Variants in LPAR3 observed in about 807,000 individuals in gnomAD.
The protein encoded by LPAR3 is lysophosphatidic acid receptor 3.
Under a neutral mutation model 17.8 loss-of-function variants are expected in LPAR3, and 7 were observed. The ratio of observed to expected loss-of-function variants is 0.39; its 90% confidence interval spans 0.22 to 0.74. The LOEUF (loss-of-function observed/expected upper bound fraction) is 0.74, where lower values mean the gene tolerates loss of function less well. LPAR3 is among the 30% of genes least tolerant of loss of function. The pLI, the probability that LPAR3 is intolerant of heterozygous loss-of-function variation, is 0.40. For synonymous variants in LPAR3, 179 were observed against 179.9 expected (o/e 0.99, Z 0.04); for missense variants, 391 against 453.4 (o/e 0.86, Z 1.25).
intron 2 of LPAR3, among the ~76,000 whole-genome samples, chr1:84,848,326 G>C (rs1659631661): frequency 6.6e-6 from 1 of 152,186 alleles, no homozygotes; most frequent in Non-Finnish European, 1.5e-5. Context: ...GGGCCCTGAG[G>C]CTGGCCACTT....
At chr1:84,854,243 C>T (rs1659774478) in intron 2 of LPAR3, among the ~76,000 whole-genome samples, 1 of 152,166 alleles carries the variant, frequency 6.6e-6, no homozygotes, top group African/African-American at 2.4e-5. Context: ...TGTCTCCCAC[C>T]CTGCCTTTCC....
intron 1 of LPAR3, among the ~76,000 whole-genome samples, chr1:84,887,496 A>G (rs1191619420): frequency 6.6e-6 from 1 of 152,224 alleles, no homozygotes; most frequent in African/African-American, 2.4e-5. Context: ...GGCTATTTGC[A>G]TAACCCTAGA....
At chr1:84,846,737 A>G (rs914824234) in intron 2 of LPAR3, among the ~76,000 whole-genome samples, 1 of 152,150 alleles carries the variant, frequency 6.6e-6, no homozygotes, top group Non-Finnish European at 1.5e-5. Flanking sequence ...TGTCAGAGCA[A>G]ATAAGATCTC....
At chr1:84,836,276 C>T (rs1659402494) in intron 2 of LPAR3, among the ~76,000 whole-genome samples, 1 of 148,542 alleles carries the variant, frequency 6.7e-6, no homozygotes, top group South Asian at 2.1e-4. Context: ...AAGTCATGGC[C>T]TCAGTGAGTC....
intron 2 of LPAR3, among the ~76,000 whole-genome samples, chr1:84,829,019 T>C (rs951730220): frequency 6.6e-6 from 1 of 150,406 alleles, no homozygotes; most frequent in Non-Finnish European, 1.5e-5. Flanking sequence ...CAGCTCCTTT[T>C]CATAGTTTAG....
intron 2 of LPAR3, among the ~76,000 whole-genome samples, chr1:84,859,487 C>T (rs1659894800): frequency 6.6e-6 from 1 of 152,126 alleles, no homozygotes; most frequent in African/African-American, 2.4e-5. Flanking sequence ...AAAAATAAAC[C>T]TTGACCCTCA....
chr1:84,829,700 A>G (rs1260728500), intron 2 of LPAR3, among the ~76,000 whole-genome samples: 1 of 152,182 alleles, frequency 6.6e-6, no homozygotes, highest in Non-Finnish European at 1.5e-5. Context: ...GAAAATATGC[A>G]TCCAGAAAAA....
intron 2 of LPAR3, among the ~76,000 whole-genome samples, chr1:84,856,452 T>C (rs189275390): frequency 3.3e-5 from 5 of 152,336 alleles, no homozygotes; most frequent in East Asian, 3.9e-4. Flanking sequence ...GCAGTAAACA[T>C]TGAAAGCAGG....
At chr1:84,838,647 C>T (rs966580555) in intron 2 of LPAR3, among the ~76,000 whole-genome samples, 3 of 152,164 alleles carry the variant, frequency 2.0e-5, no homozygotes, top group Non-Finnish European at 1.5e-5. Context: ...GGCCTTCTTG[C>T]CTCCAGTCTC....
intron 1 of LPAR3, among the ~76,000 whole-genome samples, chr1:84,871,012 C>T (rs79961994): frequency 0.076 from 11,554 of 152,058 alleles, 549 homozygotes; most frequent in African/African-American, 0.12. Flanking sequence ...TGAGAAGACA[C>T]TTTTCTGAAA....
chr1:84,847,831 C>A (rs928964344), intron 2 of LPAR3, among the ~76,000 whole-genome samples: 4 of 152,214 alleles, frequency 2.6e-5, no homozygotes, highest in African/African-American at 9.7e-5. Context: ...GTTTCCCTGA[C>A]GCTGACTTCT....
intron 2 of LPAR3, among the ~76,000 whole-genome samples, chr1:84,830,460 C>T (rs1255497038): frequency 6.6e-6 from 1 of 152,158 alleles, no homozygotes; most frequent in Non-Finnish European, 1.5e-5. Flanking sequence ...GCTCACTTGT[C>T]ACCTGTGTGC....
chr1:84,839,681 G>GTAAAATAAAA lies in LPAR3; in HGVS notation c.737-25520_737-25511dup, dbSNP rs149291447. Among the ~76,000 whole-genome samples, 280 of 149,522 alleles carry GTAAAATAAAA rather than the reference G, an allele frequency of 1.9e-3. 1 individual carries two copies. The highest frequency in any genetic ancestry group is 5.9e-3 in the African/African-American group (237 of 40,400). ...ACCCTGTCTCTAAATAAATAAATAC[G>GTAAAATAAAA]TAAAATAAAATAAAATAAAATAAAT... On this transcript the variant is annotated intron_variant, in intron 2 of 2. Transcript: ENST00000370611.
intron 2 of LPAR3, among the ~76,000 whole-genome samples, chr1:84,843,988 CT>C (rs1277558585): frequency 6.6e-6 from 1 of 152,212 alleles, no homozygotes; most frequent in Non-Finnish European, 1.5e-5. Context: ...TCTCTCCCCA[CT>C]TTCTTACCAG....
At chr1:84,862,732 C>T (rs1202684350) in intron 2 of LPAR3, among the ~76,000 whole-genome samples, 1 of 152,208 alleles carries the variant, frequency 6.6e-6, no homozygotes, top group East Asian at 1.9e-4. Context: ...ACTGTATCCT[C>T]CACTATGAAC....
Position 84,813,835 on chromosome 1 carries a change from G to C in LPAR3, c.*11C>G. 6.2e-7 allele frequency: 1 copy of C among 1,606,566 alleles called. No homozygotes were observed. Among genetic ancestry groups the C allele is most frequent in the Non-Finnish European group, 8.5e-7 (1 of 1,174,246 alleles). On this transcript the variant is annotated 3_prime_UTR_variant, in exon 3 of 3. Coordinates refer to ENST00000370611, the MANE Select transcript of LPAR3 (RefSeq NM_012152.3). ...AGAGGAGGCCTGGGTGGGCCGAGAG[G>C]CATCCAGAGTTTAGGAAGTGCTTTT...
At chr1:84,818,736 T>C (rs1456945970) in intron 2 of LPAR3, among the ~76,000 whole-genome samples, 1 of 152,162 alleles carries the variant, frequency 6.6e-6, no homozygotes, top group East Asian at 1.9e-4. Context: ...GATAAACGTA[T>C]CATACATTTT....
intron 2 of LPAR3, among the ~76,000 whole-genome samples, chr1:84,857,272 C>G (rs905103895): frequency 6.6e-6 from 1 of 152,156 alleles, no homozygotes; most frequent in African/African-American, 2.4e-5. Context: ...CTAATATTTA[C>G]TTAGTACTTA....
intron 2 of LPAR3, among the ~76,000 whole-genome samples, chr1:84,823,421 G>A (rs1014113530): frequency 3.3e-5 from 5 of 152,104 alleles, no homozygotes; most frequent in Admixed American, 2.6e-4. Flanking sequence ...TATTTTTACT[G>A]TAGAAAAAAG....
Sources: gnomAD v4.1 joint callset for allele counts (sites outside exome capture counted in the v4.1 genomes callset) on GRCh38, gnomAD v4.1.1 for gene constraint, MANE v1.5 for transcripts, NCBI Gene and HGNC (gene_info 2026-07-23, HGNC 2026-07-21) for gene names.